AK4: variants seen among roughly 807,000 people sequenced by gnomAD.
The protein encoded by AK4 is adenylate kinase 4, also known as adenylate kinase 4, mitochondrial.
A neutral mutation model predicts 24.6 loss-of-function variants in AK4; 13 were observed. The observed-to-expected ratio is 0.53, with a 90% CI of 0.34 to 0.84. The LOEUF (loss-of-function observed/expected upper bound fraction) is 0.84, where lower values mean the gene tolerates loss of function less well. Among genes scored for constraint, AK4 ranks in the 40% least tolerant of loss-of-function variants. The pLI is 0.01. For synonymous variants in AK4, 88 were observed against 107.0 expected (o/e 0.82, Z 1.10); for missense variants, 192 against 288.2 (o/e 0.67, Z 2.42).
chr1:65,211,328 G>A (rs1456049386), intron 2 of AK4, among the ~76,000 whole-genome samples: 2 of 152,240 alleles, frequency 1.3e-5, no homozygotes, highest in Non-Finnish European at 1.5e-5. Flanking sequence ...AATCTGGTCT[G>A]TGCGTGTAGC....
intron 1 of AK4, among the ~76,000 whole-genome samples, chr1:65,171,734 A>C (rs935260272): frequency 6.6e-6 from 1 of 151,996 alleles, no homozygotes; most frequent in Non-Finnish European, 1.5e-5. Flanking sequence ...ATTTATCTGA[A>C]GATTGTCATG....
At chr1:65,225,566 A>G (rs1336474) in intron 4 of AK4, among the ~76,000 whole-genome samples, 42,382 of 152,060 alleles carry the variant, frequency 0.28, 6,759 homozygotes, top group East Asian at 0.69. Flanking sequence ...TGCAAGTCAA[A>G]CAAAACTTTA....
intron 2 of AK4, among the ~76,000 whole-genome samples, chr1:65,199,088 A>G (rs1223909136): frequency 4.2e-5 from 2 of 47,244 alleles, no homozygotes; most frequent in African/African-American, 1.8e-4. Flanking sequence ...CTCCGCCTCA[A>G]AAAAAAAAAA....
intron 1 of AK4, among the ~76,000 whole-genome samples, chr1:65,172,062 A>AATATAT (rs1406842262): frequency 4.0e-4 from 12 of 29,906 alleles, no homozygotes; most frequent in Non-Finnish European, 1.0e-3. Context: ...CTCCATCTCA[A>AATATAT]GTATATATAT....
chr1:65,223,435 C>T lies in AK4; in HGVS notation c.439-1317C>T, dbSNP rs941850389. Reference sequence around the variant, plus strand: ...AACTCCTGACCTTAAGTGATCCGCCCGCCTTGGCCTCCCAAAGTGCTGAGA... The same window carrying T: ...AACTCCTGACCTTAAGTGATCCGCCTGCCTTGGCCTCCCAAAGTGCTGAGA... On this transcript the variant is annotated intron_variant, in intron 3 of 4. Transcript: ENST00000327299. Among the ~76,000 whole-genome samples, 5 of 151,894 alleles carry T rather than the reference C, an allele frequency of 3.3e-5. No individual in the cohort carries two copies. In the East Asian group the frequency reaches 5.9e-4, roughly 18 times the overall value.
intron 1 of AK4, among the ~76,000 whole-genome samples, chr1:65,184,171 G>C (rs1651009374): frequency 6.6e-6 from 1 of 152,116 alleles, no homozygotes; most frequent in Non-Finnish European, 1.5e-5. Context: ...GAATGGAATA[G>C]GTTGTTAAGA....
chr1:65,190,581 A>T (rs1651273126), intron 1 of AK4, 129 bp from the exon 2 acceptor site: 7 of 1,063,342 alleles, frequency 6.6e-6, no homozygotes, highest in Non-Finnish European at 8.0e-6. Flanking sequence ...AACTTAAAAC[A>T]TGTCTACAAC....
At position 65,154,414 on chromosome 1, in the gene AK4, G is replaced by C. The variant is rs558654872; in HGVS notation, c.145+5862G>C. 17 of 408,378 alleles carry C rather than the reference G, an allele frequency of 4.2e-5. No individual in the cohort carries two copies. In the East Asian group the frequency reaches 1.1e-3, roughly 27 times the overall value. The allele number at this position is 408,378 out of a possible 1,614,324, so 25.3% of individuals were successfully genotyped here. ...TTTGCATACTTTGCTGATTAAGAAT[G>C]CCCTTGGAAGAGCACATGCATGGGC... On this transcript the variant is annotated intron_variant, in intron 1 of 4. Coordinates refer to ENST00000327299, the MANE Select transcript of AK4 (RefSeq NM_013410.4).
intron 1 of AK4, among the ~76,000 whole-genome samples, chr1:65,163,931 G>T (rs940218921): frequency 6.6e-6 from 1 of 152,138 alleles, no homozygotes; most frequent in African/African-American, 2.4e-5. Context: ...TGTTGAGCCA[G>T]ATTATGGGTC....
At chr1:65,149,211 A>T (rs1649684107) in intron 1 of AK4, 1 of 152,294 alleles carries the variant, frequency 6.6e-6, no homozygotes, top group South Asian at 2.1e-4. Context: ...CTCGGAGGAG[A>T]CTCGTTCTGA....
chr1:65,203,031 C>A (rs963805698), intron 2 of AK4, among the ~76,000 whole-genome samples: 1 of 151,874 alleles, frequency 6.6e-6, no homozygotes, highest in African/African-American at 2.4e-5. Flanking sequence ...GGCCACTACG[C>A]CTGGCCAATT....
intron 1 of AK4, among the ~76,000 whole-genome samples, chr1:65,184,202 ATTG>A (rs1400133445): frequency 6.6e-6 from 1 of 152,216 alleles, no homozygotes; most frequent in African/African-American, 2.4e-5. Context: ...CAAAATTTAT[ATTG>A]TTGTAAGATA....
At chr1:65,211,826 A>G (rs1651980392) in intron 2 of AK4, among the ~76,000 whole-genome samples, 1 of 152,228 alleles carries the variant, frequency 6.6e-6, no homozygotes, top group Admixed American at 6.5e-5. Flanking sequence ...GGTAAATCAT[A>G]TATGGCAAAT....
In AK4 at chr1:65,226,929, A is replaced by G. The variant is rs191300123; in HGVS notation, c.*752A>G. 6.8e-6 allele frequency: 1 copy of G among 147,340 alleles called. No homozygotes were observed. Among genetic ancestry groups the G allele is most frequent in the African/African-American group, 2.6e-5 (1 of 39,030 alleles). 9.1% of individuals were successfully genotyped at this position (147,340 alleles called of 1,614,324 possible). On this transcript the variant is annotated 3_prime_UTR_variant, in exon 5 of 5. Coordinates refer to ENST00000327299, the MANE Select transcript of AK4 (RefSeq NM_013410.4). The stretch of plus-strand genomic sequence containing the variant: ...CGATGGGGCTATATTGAATCTCTGT[A>G]TGCACTGAGAACTGAGCTATGAAGA...
intron 1 of AK4, among the ~76,000 whole-genome samples, chr1:65,185,987 G>A (rs558318314): frequency 6.6e-6 from 1 of 152,146 alleles, no homozygotes; most frequent in South Asian, 2.1e-4. Flanking sequence ...GCTATCTGGT[G>A]AGGTTGGGCC....
At chr1:65,191,522 G>A (rs1570109896) in intron 2 of AK4, among the ~76,000 whole-genome samples, 2 of 151,452 alleles carry the variant, frequency 1.3e-5, no homozygotes, top group South Asian at 2.1e-4. Flanking sequence ...TCCTCAGATA[G>A]ATGAGTGGGG....
Position 65,226,930 on chromosome 1 carries a change from T to C in AK4, c.*753T>C, listed in dbSNP as rs1438109296. ...GATGGGGCTATATTGAATCTCTGTA[T>C]GCACTGAGAACTGAGCTATGAAGAG... On this transcript the variant is annotated 3_prime_UTR_variant, in exon 5 of 5. Coordinates refer to ENST00000327299, the MANE Select transcript of AK4 (RefSeq NM_013410.4). 2.7e-5 allele frequency: 4 copies of C among 149,724 alleles called. No homozygotes were observed. In the East Asian group the frequency reaches 7.8e-4, roughly 29 times the overall value. 9.3% of individuals were successfully genotyped at this position (149,724 alleles called of 1,614,324 possible). A position where few individuals can be genotyped will look rare whatever the true frequency, so the allele number is the denominator to read the frequency against.
chr1:65,178,966 G>A (rs748497430), intron 1 of AK4, among the ~76,000 whole-genome samples: 1 of 152,222 alleles, frequency 6.6e-6, no homozygotes, highest in African/African-American at 2.4e-5. Flanking sequence ...ACACTGTGGT[G>A]TCAGCAAGGG....
At chr1:65,177,655 G>A (rs1220808636) in intron 1 of AK4, among the ~76,000 whole-genome samples, 1 of 152,152 alleles carries the variant, frequency 6.6e-6, no homozygotes, top group Non-Finnish European at 1.5e-5. Context: ...GCATTTTGTG[G>A]GTGTTTAAGA....
Sources: allele counts gnomAD v4.1 joint callset (sites outside exome capture counted in the v4.1 genomes callset), GRCh38; gene constraint gnomAD v4.1.1; transcripts MANE v1.5; gene names NCBI Gene and HGNC (gene_info 2026-07-23, HGNC 2026-07-21).